EXOC4: variants seen among roughly 807,000 people sequenced by gnomAD.
The protein encoded by EXOC4 is exocyst complex component 4.
In EXOC4, 71 loss-of-function variants were observed where a neutral mutation model predicts 107.2. That is an observed-to-expected ratio of 0.66 (90% CI 0.55 to 0.81). The LOEUF is 0.81. Ranked by LOEUF, EXOC4 falls within the 30% of genes least tolerant of loss-of-function variation. The pLI is 0.00. For missense variants in EXOC4, 1,108 were observed against 1,189.6 expected, an observed-to-expected ratio of 0.93 and a Z score of 1.01; for synonymous variants, 456 against 441.2, an observed-to-expected ratio of 1.03 and a Z score of -0.42.
intron 11 of EXOC4, among the ~76,000 whole-genome samples, chr7:133,886,115 G>A (rs911768412): frequency 6.6e-6 from 1 of 152,144 alleles, no homozygotes; most frequent in Non-Finnish European, 1.5e-5. Flanking sequence ...ACACTGTCCA[G>A]TAGATGTGAA....
chr7:133,419,838 G>A (rs1797561175), intron 7 of EXOC4, among the ~76,000 whole-genome samples: 1 of 152,098 alleles, frequency 6.6e-6, no homozygotes, highest in African/African-American at 2.4e-5. Flanking sequence ...CACAGTCTCT[G>A]TGGGACAGGA....
intron 1 of EXOC4, among the ~76,000 whole-genome samples, chr7:133,259,749 C>T (rs952349480): frequency 7.2e-5 from 11 of 152,134 alleles, no homozygotes; most frequent in Middle Eastern, 3.2e-3. Flanking sequence ...TCCCAGACCC[C>T]TCCCTTTTCT....
rs570714335 is a variant in EXOC4, at chr7:133,306,558, G to A, written c.656+497G>A. On this transcript the variant is annotated intron_variant, in intron 4 of 17. Transcript: ENST00000253861. ...ACAAAAAAAGGGCCAAAATTAGCTG[G>A]GTATAGTGGTGTGCACCTGTAATCT... 2.0e-5 allele frequency among the ~76,000 whole-genome samples: 3 copies of A among 152,068 alleles called. No homozygotes were observed. In the East Asian group the frequency reaches 5.8e-4, roughly 30 times the overall value.
intron 9 of EXOC4, among the ~76,000 whole-genome samples, chr7:133,583,742 C>G (rs988309918): frequency 2.6e-5 from 4 of 152,044 alleles, no homozygotes; most frequent in African/African-American, 9.7e-5. Flanking sequence ...GAATGCCATA[C>G]TAAGGAATAT....
At chr7:133,407,527 G>A (rs1797249458) in intron 7 of EXOC4, among the ~76,000 whole-genome samples, 1 of 152,076 alleles carries the variant, frequency 6.6e-6, no homozygotes, top group African/African-American at 2.4e-5. Flanking sequence ...GGTCTCTATG[G>A]CCTAAAGGTA....
intron 10 of EXOC4, among the ~76,000 whole-genome samples, chr7:133,685,277 C>A (rs1202792620): frequency 6.6e-6 from 1 of 152,052 alleles, no homozygotes; most frequent in Non-Finnish European, 1.5e-5. Context: ...GAGTGGTTTC[C>A]CCCACTCTGT....
intron 9 of EXOC4, among the ~76,000 whole-genome samples, chr7:133,491,963 G>A (rs1799380247): frequency 6.6e-6 from 1 of 152,152 alleles, no homozygotes. Flanking sequence ...AGTGTATGGG[G>A]AAGATTGAAC....
chr7:133,674,080 C>A (rs1409584229), intron 10 of EXOC4, among the ~76,000 whole-genome samples: 1 of 152,098 alleles, frequency 6.6e-6, no homozygotes, highest in Non-Finnish European at 1.5e-5. Flanking sequence ...AGATTTTAAA[C>A]CTGCCAAGGA....
intron 14 of EXOC4, among the ~76,000 whole-genome samples, chr7:133,941,536 A>G (rs1003474442): frequency 6.6e-6 from 1 of 152,086 alleles, no homozygotes; most frequent in African/African-American, 2.4e-5. Flanking sequence ...TCCTTTACAC[A>G]TAAAAGGGTC....
downstream of EXOC4, among the ~76,000 whole-genome samples, chr7:134,070,926 A>G (rs1018996181): frequency 6.6e-6 from 1 of 152,196 alleles, no homozygotes; most frequent in African/African-American, 2.4e-5. Flanking sequence ...AAAACCCAGC[A>G]ATCTTCTCAT....
chr7:133,381,305 G>A (rs1405902622), intron 7 of EXOC4, among the ~76,000 whole-genome samples: 2 of 152,110 alleles, frequency 1.3e-5, no homozygotes, highest in Non-Finnish European at 2.9e-5. Context: ...ATGGCTAATG[G>A]CACAGACACA....
chr7:133,724,741 T>C (rs1795180689), intron 10 of EXOC4, among the ~76,000 whole-genome samples: 1 of 152,076 alleles, frequency 6.6e-6, no homozygotes, highest in Non-Finnish European at 1.5e-5. Flanking sequence ...CCAAAAGAAA[T>C]ATGGGAACGG....
chr7:133,956,352 A>G (rs1229740742), intron 14 of EXOC4, among the ~76,000 whole-genome samples: 1 of 152,238 alleles, frequency 6.6e-6, no homozygotes, highest in Non-Finnish European at 1.5e-5. Flanking sequence ...CAAGCAGACT[A>G]ACAACAGTTC....
chr7:133,899,133 A>C (rs963113463), intron 12 of EXOC4, among the ~76,000 whole-genome samples: 1 of 151,634 alleles, frequency 6.6e-6, no homozygotes, highest in East Asian at 1.9e-4. Context: ...TTTTTCTAGT[A>C]AGTTGTCTGA....
intron 13 of EXOC4, among the ~76,000 whole-genome samples, chr7:133,925,203 A>C (rs1048003316): frequency 1.3e-5 from 2 of 152,068 alleles, no homozygotes; most frequent in Non-Finnish European, 1.5e-5. Flanking sequence ...AATAAAGGTT[A>C]CGTTCCCTTC....
chr7:133,731,510 C>G (rs887516086), intron 10 of EXOC4, among the ~76,000 whole-genome samples: 5 of 151,998 alleles, frequency 3.3e-5, no homozygotes, highest in African/African-American at 1.2e-4. Flanking sequence ...AGAACTACTA[C>G]TGTGATCTTG....
intron 5 of EXOC4, among the ~76,000 whole-genome samples, chr7:133,339,189 A>C (rs189021520): frequency 5.1e-4 from 78 of 152,296 alleles, no homozygotes; most frequent in South Asian, 1.4e-3. Context: ...GTTGCTGTGA[A>C]TGCCATTATT....
intron 1 of EXOC4, among the ~76,000 whole-genome samples, chr7:133,273,080 A>C (rs753459099): frequency 3.3e-5 from 5 of 152,196 alleles, no homozygotes; most frequent in Non-Finnish European, 7.4e-5. Flanking sequence ...AATAGAGTTA[A>C]ACATCTAGGA....
chr7:133,939,376 C>T, intron 14 of EXOC4, among the ~76,000 whole-genome samples: 1 of 152,144 alleles, frequency 6.6e-6, no homozygotes, highest in Non-Finnish European at 1.5e-5. Context: ...CTTGCATGGC[C>T]TCATGCTGAT....
Sources: allele counts gnomAD v4.1 joint callset (sites outside exome capture counted in the v4.1 genomes callset), GRCh38; gene constraint gnomAD v4.1.1; transcripts MANE v1.5; gene names NCBI Gene and HGNC (gene_info 2026-07-23, HGNC 2026-07-21).